Variants in PRKD1 observed in about 807,000 individuals in gnomAD.
The protein encoded by PRKD1 is serine/threonine-protein kinase D1.
Under a neutral mutation model 95.9 loss-of-function variants are expected in PRKD1, and 63 were observed. That is an observed-to-expected ratio of 0.66 (90% CI 0.54 to 0.81). The LOEUF (loss-of-function observed/expected upper bound fraction) is 0.81. PRKD1 is among the 30% of genes least tolerant of loss of function. PRKD1 has a pLI of 0.00. For missense variants in PRKD1, 1,048 were observed against 1,165.3 expected, an observed-to-expected ratio of 0.90 and a Z score of 1.47; for synonymous variants, 425 against 423.1, an observed-to-expected ratio of 1.00 and a Z score of -0.05.
In PRKD1 at chr14:29,576,802, G is replaced by T; in HGVS notation, c.*436C>A. 1 of 177,436 alleles carries T rather than the reference G, an allele frequency of 5.6e-6. No individual in the cohort carries two copies. The highest frequency in any genetic ancestry group is 1.3e-4 in the South Asian group (1 of 7,548). The allele number at this position is 177,436 out of a possible 1,614,324, so 11.0% of individuals were successfully genotyped here. On this transcript the variant is annotated 3_prime_UTR_variant, in exon 18 of 18. Coordinates refer to ENST00000331968, the MANE Select transcript of PRKD1 (RefSeq NM_002742.3). Reference sequence around the variant, plus strand: ...ATTTTTTTCCCACATGGGTTTTGGAGTTGTTCATAGAACACTGGAAATAAT... The same window carrying T: ...ATTTTTTTCCCACATGGGTTTTGGATTTGTTCATAGAACACTGGAAATAAT...
chr14:29,687,230 G>A (rs1322938571), intron 2 of PRKD1, among the ~76,000 whole-genome samples: 1 of 152,124 alleles, frequency 6.6e-6, no homozygotes, highest in Non-Finnish European at 1.5e-5. Flanking sequence ...GAAAAGCAAC[G>A]TGCTTGCGGT....
chr14:29,622,190 T>C (rs1015628351), intron 13 of PRKD1, among the ~76,000 whole-genome samples: 2 of 152,104 alleles, frequency 1.3e-5, no homozygotes, highest in Non-Finnish European at 2.9e-5. Flanking sequence ...ATGCTGCTGC[T>C]GTTCTTAAGG....
intron 1 of PRKD1, among the ~76,000 whole-genome samples, chr14:29,846,598 G>T (rs1245127380): frequency 6.6e-6 from 1 of 152,152 alleles, no homozygotes; most frequent in African/African-American, 2.4e-5. Flanking sequence ...AAGTGTGTTT[G>T]GTTTCACTGA....
At chr14:29,748,818 C>T (rs747420476) in intron 1 of PRKD1, among the ~76,000 whole-genome samples, 7 of 152,088 alleles carry the variant, frequency 4.6e-5, no homozygotes, top group Non-Finnish European at 8.8e-5. Context: ...AAAGCCAGTA[C>T]CTATCACATA....
chr14:29,675,734 G>A (rs982966934), intron 2 of PRKD1, among the ~76,000 whole-genome samples: 1 of 151,996 alleles, frequency 6.6e-6, no homozygotes. Context: ...GAACCCAAAT[G>A]TCCATCAATG....
In PRKD1 at chr14:29,634,276, T is replaced by C. The variant is rs868867579; in HGVS notation, c.1314+142A>G. 9.4e-6 allele frequency: 12 copies of C among 1,277,102 alleles called. 1 individual carries two copies. In the Middle Eastern group the frequency reaches 2.0e-3, roughly 211 times the overall value. 79.1% of individuals were successfully genotyped at this position (1,277,102 alleles called of 1,614,324 possible). A position where few individuals can be genotyped will look rare whatever the true frequency, so the allele number is the denominator to read the frequency against. The stretch of plus-strand genomic sequence containing the variant: ...TATATCTGACACCCAGAGACTGTAA[T>C]GCACCTTACCTAATCCCGTGTCATG... On this transcript the variant is annotated intron_variant, in intron 8 of 17. Transcript: ENST00000331968.
At chr14:29,908,281 A>C (rs1277819077) in intron 1 of PRKD1, among the ~76,000 whole-genome samples, 2 of 152,232 alleles carry the variant, frequency 1.3e-5, no homozygotes, top group Non-Finnish European at 2.9e-5. Flanking sequence ...AAATAAGTTC[A>C]ATATGCATAT....
intron 1 of PRKD1, among the ~76,000 whole-genome samples, chr14:29,732,438 A>G (rs1886487019): frequency 6.6e-6 from 1 of 151,990 alleles, no homozygotes; most frequent in Admixed American, 6.6e-5. Context: ...CTATTTTTCT[A>G]TGTCTTTTAC....
intron 1 of PRKD1, among the ~76,000 whole-genome samples, chr14:29,875,336 T>C (rs1207786260): frequency 6.6e-6 from 1 of 152,132 alleles, no homozygotes; most frequent in African/African-American, 2.4e-5. Flanking sequence ...AAAATGATGT[T>C]AATAAAAAAG....
intron 11 of PRKD1, among the ~76,000 whole-genome samples, chr14:29,627,795 T>C (rs45552435): frequency 5.3e-5 from 8 of 152,172 alleles, no homozygotes; most frequent in African/African-American, 1.9e-4. Flanking sequence ...TAACTACAAG[T>C]TGTATCCATC....
At chr14:29,591,851 C>T (rs1400813035) in intron 16 of PRKD1, among the ~76,000 whole-genome samples, 1 of 151,998 alleles carries the variant, frequency 6.6e-6, no homozygotes, top group African/African-American at 2.4e-5. Context: ...TTATGACATA[C>T]CACACACTGG....
chr14:29,795,878 T>C (rs767394409), intron 1 of PRKD1, among the ~76,000 whole-genome samples: 2 of 152,134 alleles, frequency 1.3e-5, no homozygotes, highest in Non-Finnish European at 2.9e-5. Context: ...TGCCTATTGG[T>C]AGATAGGCAA....
chr14:29,654,676 T>C (rs1244178071), intron 4 of PRKD1, among the ~76,000 whole-genome samples: 1 of 152,202 alleles, frequency 6.6e-6, no homozygotes, highest in Non-Finnish European at 1.5e-5. Context: ...ATGGTTTACC[T>C]ATGCAAGCTC....
At position 29,927,466 on chromosome 14, in the gene PRKD1, A is replaced by C. The variant is rs1895350441; in HGVS notation, c.47T>G (p.Val16Gly). Residue 16 changes from valine to glycine, a missense_variant, in exon 1 of 18, where the codon GTG (valine) becomes GGG (glycine). By Grantham distance (109) the Val-to-Gly change is moderately radical. Coordinates refer to ENST00000331968, the MANE Select transcript of PRKD1 (RefSeq NM_002742.3). ...GGCCGCTGCGGCAGCTGCCGCCGCC[A>C]CGGGCAGCAGCGGACTGGGCGGCCG... is the stretch of plus-strand genomic sequence containing the variant. Reference protein sequence around the residue: ...VLRPPSPLLPVAAAAAAAAAA... With the variant: ...VLRPPSPLLPGAAAAAAAAAA... 7.8e-7 allele frequency: 1 copy of C among 1,284,886 alleles called. No individual in the cohort carries two copies. Among genetic ancestry groups the C allele is most frequent in the Non-Finnish European group, 9.8e-7 (1 of 1,021,418 alleles). The allele number at this position is 1,284,886 out of a possible 1,614,324, so 79.6% of individuals were successfully genotyped here.
intron 1 of PRKD1, among the ~76,000 whole-genome samples, chr14:29,809,122 A>G (rs755429870): frequency 2.0e-5 from 3 of 152,322 alleles, no homozygotes; most frequent in Non-Finnish European, 4.4e-5. Flanking sequence ...ACGAAAAACA[A>G]TATTTTGAAA....
At chr14:29,846,932 C>A (rs1594573041) in intron 1 of PRKD1, among the ~76,000 whole-genome samples, 1 of 152,198 alleles carries the variant, frequency 6.6e-6, no homozygotes, top group East Asian at 1.9e-4. Flanking sequence ...TGCTGGAAAA[C>A]CCCACAGCTC....
chr14:29,636,382 T>C lies in PRKD1; in HGVS notation c.1098A>G (p.Gln366=). ...ACTCTGCCATTGCCATCTCTGCATC[T>C]TGGACCATTGCTTCTTCCATATCAT... The part of the protein sequence containing the change: ...LMDDMEEAMV[Q]DAEMAMAECQ... The change falls in exon 7 of 18, where the codon CAA becomes CAG. Residue 366 remains glutamine (Q), a synonymous_variant. Coordinates refer to ENST00000331968, the MANE Select transcript of PRKD1 (RefSeq NM_002742.3). 1.2e-6 allele frequency: 2 copies of C among 1,614,226 alleles called. No homozygotes were observed. Among genetic ancestry groups the C allele is most frequent in the East Asian group, 2.2e-5 (1 of 44,864 alleles).
chr14:29,874,120 T>A (rs567230965), intron 1 of PRKD1, among the ~76,000 whole-genome samples: 1 of 152,316 alleles, frequency 6.6e-6, no homozygotes, highest in African/African-American at 2.4e-5. Flanking sequence ...TCCTGAATAA[T>A]CAGAGTTTTT....
intron 7 of PRKD1, among the ~76,000 whole-genome samples, chr14:29,635,218 C>G (rs1257910148): frequency 1.3e-5 from 2 of 152,096 alleles, no homozygotes; most frequent in East Asian, 3.9e-4. Context: ...CATTATCAAT[C>G]ATTTAGAGAT....
Sources: allele counts gnomAD v4.1 joint callset (sites outside exome capture counted in the v4.1 genomes callset), GRCh38; gene constraint gnomAD v4.1.1; transcripts MANE v1.5; gene names NCBI Gene and HGNC (gene_info 2026-07-23, HGNC 2026-07-21).